NRXN3: variants seen among roughly 807,000 people sequenced by gnomAD.
NRXN3 encodes the protein neurexin 3.
NRXN3 carries 32 observed loss-of-function variants against 137.6 expected under a neutral mutation model. The observed-to-expected ratio is 0.23, with a 90% CI of 0.18 to 0.31. The LOEUF is 0.31. NRXN3 is among the 10% of genes least tolerant of loss of function. NRXN3 has a pLI of 1.00. For synonymous variants in NRXN3, 798 were observed against 784.5 expected (o/e 1.02, Z -0.29); for missense variants, 1,574 against 2,062.5 (o/e 0.76, Z 4.59).
chr14:79,524,897 G>A (rs1358260670), intron 16 of NRXN3, among the ~76,000 whole-genome samples: 1 of 152,142 alleles, frequency 6.6e-6, no homozygotes, highest in Non-Finnish European at 1.5e-5. Context: ...ATGGACTGAG[G>A]CAGAAAACCC....
At chr14:78,839,501 CT>C (rs766102088) in intron 10 of NRXN3, among the ~76,000 whole-genome samples, 2 of 152,224 alleles carry the variant, frequency 1.3e-5, no homozygotes, top group African/African-American at 2.4e-5. Flanking sequence ...TGTCCAAGCT[CT>C]TCAGCTGAGC....
At chr14:79,762,959 G>A (rs1253335689) in intron 19 of NRXN3, among the ~76,000 whole-genome samples, 1 of 151,502 alleles carries the variant, frequency 6.6e-6, no homozygotes, top group South Asian at 2.1e-4. Flanking sequence ...ATGGTAGTTT[G>A]CTGCACTCAC....
intron 15 of NRXN3, among the ~76,000 whole-genome samples, chr14:79,359,727 C>A (rs2093618222): frequency 6.6e-6 from 1 of 151,960 alleles, no homozygotes; most frequent in Non-Finnish European, 1.5e-5. Flanking sequence ...TGTGCCACCA[C>A]ACCTGGCTAA....
chr14:79,754,816 C>T (rs533522010), intron 19 of NRXN3, among the ~76,000 whole-genome samples: 21 of 151,778 alleles, frequency 1.4e-4, no homozygotes, highest in African/African-American at 3.6e-4. Flanking sequence ...GAACGGTTTC[C>T]GCATGCTGTT....
chr14:79,704,552 A>C (rs2098768810), intron 19 of NRXN3, among the ~76,000 whole-genome samples: 1 of 152,132 alleles, frequency 6.6e-6, no homozygotes, highest in African/African-American at 2.4e-5. Flanking sequence ...CTCCGGGGGA[A>C]GTTTATTTTT....
In NRXN3 at chr14:79,238,176, A is replaced by G. The variant is rs146433132; in HGVS notation, c.3263-229045A>G. Reference sequence around the variant, plus strand: ...GGTGTGCTTAGTTTAATGCTCTCCTATCACCACCTTGAAAGTTTTAATATT... The same window carrying G: ...GGTGTGCTTAGTTTAATGCTCTCCTGTCACCACCTTGAAAGTTTTAATATT... On this transcript the variant is annotated intron_variant, in intron 15 of 20. Transcript: ENST00000335750. 5.2e-4 allele frequency among the ~76,000 whole-genome samples: 79 copies of G among 152,240 alleles called. 2 individuals carry two copies. In the East Asian group the frequency reaches 0.014, roughly 28 times the overall value.
chr14:79,097,528 CA>C (rs1236017202), intron 15 of NRXN3, among the ~76,000 whole-genome samples: 1 of 152,112 alleles, frequency 6.6e-6, no homozygotes, highest in East Asian at 1.9e-4. Flanking sequence ...TTGACAAGAA[CA>C]AAGTTCTGAA....
chr14:78,282,976 A>G (rs1450629815), intron 3 of NRXN3: 1 of 152,228 alleles, frequency 6.6e-6, no homozygotes, highest in African/African-American at 2.4e-5. Flanking sequence ...GTGTATACTC[A>G]TTAAAGTTTG....
intron 16 of NRXN3, among the ~76,000 whole-genome samples, chr14:79,595,511 A>G (rs758635722): frequency 6.6e-6 from 1 of 152,190 alleles, no homozygotes; most frequent in Non-Finnish European, 1.5e-5. Flanking sequence ...TTCTTATTTC[A>G]GTATAATTTC....
intron 8 of NRXN3, among the ~76,000 whole-genome samples, chr14:78,724,577 G>T (rs964746909): frequency 4.6e-5 from 7 of 152,092 alleles, no homozygotes; most frequent in Non-Finnish European, 1.5e-5. Context: ...CCTCGTTTTG[G>T]TTCCTATTTA....
intron 16 of NRXN3, among the ~76,000 whole-genome samples, chr14:79,538,949 G>C (rs1248905676): frequency 6.6e-6 from 1 of 152,146 alleles, no homozygotes; most frequent in African/African-American, 2.4e-5. Context: ...TGTTTATAAA[G>C]TGACCCTGTG....
chr14:79,603,627 G>A (rs901888924), intron 16 of NRXN3, among the ~76,000 whole-genome samples: 1 of 149,618 alleles, frequency 6.7e-6, no homozygotes, highest in Non-Finnish European at 1.5e-5. Flanking sequence ...TTTTCCTTTT[G>A]TGGGGGAGTT....
chr14:79,528,336 A>G (rs2097140046), intron 16 of NRXN3, among the ~76,000 whole-genome samples: 1 of 152,180 alleles, frequency 6.6e-6, no homozygotes, highest in South Asian at 2.1e-4. Context: ...ATAAGATTAA[A>G]CTTTTTGATG....
At position 79,189,345 on chromosome 14, in the gene NRXN3, C is replaced by T. The variant is rs575719533; in HGVS notation, c.3262+201204C>T. On this transcript the variant is annotated intron_variant, in intron 15 of 20. Transcript: ENST00000335750. ...AGGTGGTAATTGAACAATGAGAACACATGAACACAGGAAGGGGAACATCAC... is the reference window on the plus strand; with the variant it reads ...AGGTGGTAATTGAACAATGAGAACATATGAACACAGGAAGGGGAACATCAC... Among the ~76,000 whole-genome samples, 359 of 134,988 alleles carry T rather than the reference C, an allele frequency of 2.7e-3. 2 individuals are homozygous for T. Among genetic ancestry groups the T allele is most frequent in the African/African-American group, 9.6e-3 (337 of 34,944 alleles). The allele number at this position is 134,988 out of a possible 152,430, so 88.6% of individuals were successfully genotyped here. A position where few individuals can be genotyped will look rare whatever the true frequency, so the allele number is the denominator to read the frequency against.
At chr14:79,324,975 T>C (rs2090634368) in intron 15 of NRXN3, among the ~76,000 whole-genome samples, 1 of 152,216 alleles carries the variant, frequency 6.6e-6, no homozygotes, top group Admixed American at 6.5e-5. Context: ...TTGCCCTTCT[T>C]GTCTAAACAC....
intron 3 of NRXN3, chr14:78,282,347 C>T (rs2074518281): frequency 2.9e-6 from 1 of 341,800 alleles, no homozygotes. Flanking sequence ...ATTCTGGGAC[C>T]TCTGGGTGTG....
intron 4 of NRXN3, among the ~76,000 whole-genome samples, chr14:78,525,007 C>T (rs1224712960): frequency 2.0e-5 from 3 of 152,192 alleles, no homozygotes; most frequent in Non-Finnish European, 4.4e-5. Flanking sequence ...GCATGTGTTC[C>T]ATCAGTATTT....
At chr14:78,262,678 G>C (rs999255578) in intron 2 of NRXN3, among the ~76,000 whole-genome samples, 3 of 152,118 alleles carry the variant, frequency 2.0e-5, no homozygotes, top group African/African-American at 7.2e-5. Flanking sequence ...TGAAGAGAAA[G>C]GGGTTGTTGT....
chr14:79,347,617 T>A (rs2153381016), intron 15 of NRXN3, among the ~76,000 whole-genome samples: 1 of 152,240 alleles, frequency 6.6e-6, no homozygotes, highest in South Asian at 2.1e-4. Flanking sequence ...GAGATGGGGT[T>A]TCATCATGTT....
Sources: allele counts gnomAD v4.1 joint callset (sites outside exome capture counted in the v4.1 genomes callset), GRCh38; gene constraint gnomAD v4.1.1; transcripts MANE v1.5; gene names NCBI Gene and HGNC (gene_info 2026-07-23, HGNC 2026-07-21).